ACSS3: variants seen among roughly 807,000 people sequenced by gnomAD.
The protein encoded by ACSS3 is acyl-CoA synthetase short-chain family member 3, mitochondrial.
Under a neutral mutation model 84.2 loss-of-function variants are expected in ACSS3, and 64 were observed. That is an observed-to-expected ratio of 0.76 (90% CI 0.62 to 0.94). The LOEUF (loss-of-function observed/expected upper bound fraction) is 0.94, where lower values mean the gene tolerates loss of function less well. Ranked by LOEUF, ACSS3 falls within the 40% of genes least tolerant of loss-of-function variation. The pLI is 0.00. For missense variants in ACSS3, 815 were observed against 867.6 expected, an observed-to-expected ratio of 0.94 and a Z score of 0.76; for synonymous variants, 317 against 310.1, an observed-to-expected ratio of 1.02 and a Z score of -0.23.
At chr12:81,204,328 C>G (rs1357685214) in intron 9 of ACSS3, among the ~76,000 whole-genome samples, 1 of 150,752 alleles carries the variant, frequency 6.6e-6, no homozygotes, top group Non-Finnish European at 1.5e-5. Flanking sequence ...CTTCTTCCTT[C>G]CTCCTCTTCT....
Position 81,200,782 on chromosome 12 carries a change from T to C in ACSS3, c.1354+1338T>C, listed in dbSNP as rs1463668111. On this transcript the variant is annotated intron_variant, in intron 9 of 15. Coordinates refer to ENST00000548058, the MANE Select transcript of ACSS3 (RefSeq NM_024560.4). ...CAGGCGTGATGGAGCGTGCCTGTAA[T>C]CTCAGCTACTCGGGAGGCAGAGAAT... Among the ~76,000 whole-genome samples the C allele has an allele frequency of 2.6e-5, 4 of 151,032 alleles. No homozygotes were observed. In the East Asian group the frequency reaches 5.9e-4, roughly 22 times the overall value.
intron 2 of ACSS3, among the ~76,000 whole-genome samples, chr12:81,120,001 A>T (rs1884438404): frequency 6.6e-6 from 1 of 152,154 alleles, no homozygotes; most frequent in Non-Finnish European, 1.5e-5. Flanking sequence ...TGGTCCCTCC[A>T]TTTGGGGTCC....
intron 12 of ACSS3, among the ~76,000 whole-genome samples, chr12:81,233,083 A>G (rs2033518162): frequency 6.6e-6 from 1 of 151,778 alleles, no homozygotes; most frequent in Non-Finnish European, 1.5e-5. Context: ...AAAAAAAGAA[A>G]TTGGATTCAT....
chr12:81,136,751 T>TTTCATG (rs1435338078), intron 3 of ACSS3, among the ~76,000 whole-genome samples: 1 of 152,074 alleles, frequency 6.6e-6, no homozygotes. Context: ...TGAGTAAAAG[T>TTTCATG]TTTTGAACAG....
chr12:81,185,201 C>T (rs576379812), intron 8 of ACSS3, among the ~76,000 whole-genome samples: 16 of 151,658 alleles, frequency 1.1e-4, no homozygotes, highest in Admixed American at 2.6e-4. Flanking sequence ...ATAGAAGGAA[C>T]GTTTATAATA....
intron 5 of ACSS3, 59 bp from the exon 6 acceptor site, chr12:81,151,785 G>A: frequency 1.4e-6 from 2 of 1,461,708 alleles, no homozygotes; most frequent in Non-Finnish European, 1.9e-6. Flanking sequence ...ATGCTATGAA[G>A]ATAGAGAGTG....
At chr12:81,178,424 C>A (rs1565706588) in intron 8 of ACSS3, among the ~76,000 whole-genome samples, 1 of 150,712 alleles carries the variant, frequency 6.6e-6, no homozygotes, top group South Asian at 2.1e-4. Context: ...TGTAACTAAC[C>A]TGCATATTGT....
intron 11 of ACSS3, among the ~76,000 whole-genome samples, chr12:81,224,853 G>A (rs796559343): frequency 3.0e-4 from 46 of 151,876 alleles, no homozygotes; most frequent in African/African-American, 8.2e-4. Flanking sequence ...CTTAGTAGCC[G>A]TCTTGGTTAT....
intron 2 of ACSS3, among the ~76,000 whole-genome samples, chr12:81,120,538 G>T (rs1390941065): frequency 1.3e-5 from 2 of 152,166 alleles, no homozygotes; most frequent in Non-Finnish European, 2.9e-5. Flanking sequence ...TGAGGACACT[G>T]AGTGGCTAAA....
chr12:81,223,624 C>G (rs2033180432), intron 11 of ACSS3, among the ~76,000 whole-genome samples: 2 of 152,022 alleles, frequency 1.3e-5, no homozygotes, highest in African/African-American at 4.8e-5. Flanking sequence ...AGTAGTTGCA[C>G]AGCTAGAACT....
chr12:81,086,336 G>A (rs1246575809), intron 1 of ACSS3, among the ~76,000 whole-genome samples: 1 of 152,090 alleles, frequency 6.6e-6, no homozygotes, highest in Non-Finnish European at 1.5e-5. Flanking sequence ...TTGCCTGTTA[G>A]AAATAAGGCC....
chr12:81,237,822 C>G (rs2033674931), intron 13 of ACSS3, among the ~76,000 whole-genome samples: 1 of 151,620 alleles, frequency 6.6e-6, no homozygotes, highest in South Asian at 2.1e-4. Context: ...CTTTTATATT[C>G]CTTTCTTGTC....
At chr12:81,174,758 C>T (rs368997451) in intron 7 of ACSS3, 30 bp from the exon 8 acceptor site, 368 of 1,598,842 alleles carry the variant, frequency 2.3e-4, no homozygotes, top group Non-Finnish European at 2.9e-4. Flanking sequence ...ACATTTTATC[C>T]AGTGACATTT....
chr12:81,175,055 G>T (rs2030373742), intron 8 of ACSS3, 116 bp downstream of exon 8: 1 of 1,151,626 alleles, frequency 8.7e-7, no homozygotes, highest in Admixed American at 3.0e-5. Context: ...AAAAGATTCA[G>T]AGTGTTATTA....
intron 8 of ACSS3, among the ~76,000 whole-genome samples, chr12:81,176,140 C>T (rs976498937): frequency 6.6e-6 from 1 of 152,274 alleles, no homozygotes; most frequent in East Asian, 1.9e-4. Flanking sequence ...TCCAAATAAA[C>T]ATAATCAGAA....
chr12:81,097,588 C>G (rs1356546793), intron 1 of ACSS3, among the ~76,000 whole-genome samples: 1 of 152,210 alleles, frequency 6.6e-6, no homozygotes, highest in Non-Finnish European at 1.5e-5. Context: ...TCACCCTCCA[C>G]TTGTGTCCTG....
chr12:81,233,369 T>C lies in ACSS3; in HGVS notation c.1617T>C (p.Asp539=). The C allele has an allele frequency of 6.2e-7, 1 of 1,610,678 alleles. No individual in the cohort carries two copies. Among genetic ancestry groups the C allele is most frequent in the Non-Finnish European group, 8.5e-7 (1 of 1,177,606 alleles). Residue 539 remains aspartate, a synonymous_variant, in exon 13 of 16, where the codon GAT becomes GAC. Coordinates refer to ENST00000548058, the MANE Select transcript of ACSS3 (RefSeq NM_024560.4). The stretch of plus-strand genomic sequence containing the variant: ...TTCAGGGATATTATGATACCATGGA[T>C]GCTGGTTACATGGATGAAGAAGGCT... ...EKFPGYYDTM[D]AGYMDEEGYL...
chr12:81,109,961 C>T (rs375776285), intron 2 of ACSS3, among the ~76,000 whole-genome samples: 1 of 152,136 alleles, frequency 6.6e-6, no homozygotes, highest in East Asian at 1.9e-4. Context: ...GAATATGTGT[C>T]ACTCTTCCTC....
At chr12:81,145,548 A>T (rs1448029811) in intron 5 of ACSS3, among the ~76,000 whole-genome samples, 1 of 152,198 alleles carries the variant, frequency 6.6e-6, no homozygotes, top group Non-Finnish European at 1.5e-5. Flanking sequence ...CACAATGGAG[A>T]CAAAGAAATT....
Sources: allele counts gnomAD v4.1 joint callset (sites outside exome capture counted in the v4.1 genomes callset), GRCh38; gene constraint gnomAD v4.1.1; transcripts MANE v1.5; gene names NCBI Gene and HGNC (gene_info 2026-07-23, HGNC 2026-07-21).